The following B3GAT2 variants were observed in gnomAD, a reference collection of about 807,000 sequenced individuals.
B3GAT2 encodes the protein beta-1,3-glucuronyltransferase 2, also known as galactosylgalactosylxylosylprotein 3-beta-glucuronosyltransferase 2.
A neutral mutation model predicts 27.8 loss-of-function variants in B3GAT2; 26 were observed. The ratio of observed to expected loss-of-function variants is 0.93; its 90% CI spans 0.68 to 1.30. The LOEUF (loss-of-function observed/expected upper bound fraction) is 1.30. B3GAT2 is among the 50% of genes most tolerant of loss of function. The probability of loss-of-function intolerance (pLI) is 0.00; values close to 1 mark genes in which losing one functional copy is unlikely to be tolerated. For synonymous variants in B3GAT2, 218 were observed against 195.1 expected (o/e 1.12, Z -0.98); for missense variants, 458 against 459.0 (o/e 1.00, Z 0.02).
intron 2 of B3GAT2, among the ~76,000 whole-genome samples, chr6:70,878,540 AT>A (rs1451977066): frequency 6.6e-6 from 1 of 151,736 alleles, no homozygotes; most frequent in Non-Finnish European, 1.5e-5. Context: ...TCTCCATCAC[AT>A]TTTTACATGT....
Position 70,859,507 on chromosome 6 carries a change from T to C in B3GAT2, c.*2156A>G. The C allele has an allele frequency of 2.5e-6, 2 of 786,816 alleles. No individual in the cohort carries two copies. Among genetic ancestry groups the C allele is most frequent in the Non-Finnish European group, 4.0e-6 (2 of 498,812 alleles). The allele number at this position is 786,816 out of a possible 1,614,324, so 48.7% of individuals were successfully genotyped here. ...TCTTTGAAACTGTAAATAAGTCAAG[T>C]CAAATGTATTAAATTAAGAACACAG... On this transcript the variant is annotated 3_prime_UTR_variant, in exon 4 of 4. Coordinates refer to ENST00000230053, the MANE Select transcript of B3GAT2 (RefSeq NM_080742.3).
At position 70,856,794 on chromosome 6, in the gene B3GAT2, T is replaced by TAA; in HGVS notation, c.*4867_*4868dup. ...TAATTTTATAACTTTATTTGGATTT[T>TAA]AAGTAATGGATAAGCTGCGCTTTAC... On this transcript the variant is annotated 3_prime_UTR_variant, in exon 4 of 4. Coordinates refer to ENST00000230053, the MANE Select transcript of B3GAT2 (RefSeq NM_080742.3). 1 of 1,447,938 alleles carries TAA rather than the reference T, an allele frequency of 6.9e-7. No individual in the cohort carries two copies. The highest frequency in any genetic ancestry group is 9.2e-7 in the Non-Finnish European group (1 of 1,081,932). The allele number at this position is 1,447,938 out of a possible 1,614,324, so 89.7% of individuals were successfully genotyped here.
intron 2 of B3GAT2, among the ~76,000 whole-genome samples, chr6:70,866,190 G>A (rs565214319): frequency 6.6e-6 from 1 of 152,298 alleles, no homozygotes; most frequent in East Asian, 1.9e-4. Context: ...TCAGTAGCCA[G>A]AGTGGAGCTA....
At chr6:70,954,273 G>C (rs538734878) in intron 1 of B3GAT2, among the ~76,000 whole-genome samples, 17 of 152,272 alleles carry the variant, frequency 1.1e-4, no homozygotes, top group Non-Finnish European at 1.9e-4. Flanking sequence ...AGTTAAAAAC[G>C]TCAGATGGTA....
At chr6:70,891,529 T>G (rs76894177) in intron 2 of B3GAT2, among the ~76,000 whole-genome samples, 4,610 of 152,314 alleles carry the variant, frequency 0.03, 101 homozygotes, top group Admixed American at 0.072. Context: ...CAATGTTTGA[T>G]ACTCAAATGA....
In B3GAT2 at chr6:70,860,574, G is replaced by C. The variant is rs1339291524; in HGVS notation, c.*1089C>G. 4.5e-6 allele frequency: 2 copies of C among 439,770 alleles called. No homozygotes were observed. Among genetic ancestry groups the C allele is most frequent in the Non-Finnish European group, 7.9e-6 (2 of 254,446 alleles). 27.2% of individuals were successfully genotyped at this position (439,770 alleles called of 1,614,324 possible). ...CATATTTCCCATGATTTCATGTACT[G>C]CATTATTTGAGAAGCTGCTCAACTT... On this transcript the variant is annotated 3_prime_UTR_variant, in exon 4 of 4. Coordinates refer to ENST00000230053, the MANE Select transcript of B3GAT2 (RefSeq NM_080742.3).
At chr6:70,913,907 T>C (rs1772727498) in intron 1 of B3GAT2, among the ~76,000 whole-genome samples, 1 of 152,218 alleles carries the variant, frequency 6.6e-6, no homozygotes. Flanking sequence ...ATTTAGGATA[T>C]TTAAGTCTTC....
intron 2 of B3GAT2, among the ~76,000 whole-genome samples, chr6:70,883,903 G>T (rs1325842056): frequency 1.3e-5 from 2 of 151,854 alleles, no homozygotes; most frequent in Non-Finnish European, 2.9e-5. Context: ...TTCTATGGAA[G>T]TGACTCTATT....
At chr6:70,915,839 T>C (rs1254206097) in intron 1 of B3GAT2, among the ~76,000 whole-genome samples, 1 of 152,198 alleles carries the variant, frequency 6.6e-6, no homozygotes, top group Non-Finnish European at 1.5e-5. Context: ...GGTAGTGTGA[T>C]GCCTCCAGCT....
chr6:70,901,616 T>G (rs945385552), intron 1 of B3GAT2, among the ~76,000 whole-genome samples: 4 of 152,194 alleles, frequency 2.6e-5, no homozygotes, highest in African/African-American at 9.7e-5. Flanking sequence ...TGGCGTAGAG[T>G]GGCTGTGCCC....
chr6:70,904,247 T>A (rs890290075), intron 1 of B3GAT2, among the ~76,000 whole-genome samples: 1 of 152,054 alleles, frequency 6.6e-6, no homozygotes, highest in Non-Finnish European at 1.5e-5. Flanking sequence ...CTGCAAAAGG[T>A]CATAGGTGAC....
In B3GAT2 at chr6:70,858,276, ATTTTC is replaced by A; in HGVS notation, c.*3382_*3386del. ...GCTTCTCCCAAATCAAACCAGATTTATTTTCTAAATCTTTTTTTTTTTTTTTTTTT... is the reference window on the plus strand; with the variant it reads ...GCTTCTCCCAAATCAAACCAGATTTATAAATCTTTTTTTTTTTTTTTTTTT... On this transcript the variant is annotated 3_prime_UTR_variant, in exon 4 of 4. Transcript: ENST00000230053. The A allele has an allele frequency of 6.7e-6, 2 of 296,324 alleles. No individual in the cohort carries two copies. Among genetic ancestry groups the A allele is most frequent in the Non-Finnish European group, 1.1e-5 (2 of 177,510 alleles). The allele number at this position is 296,324 out of a possible 1,614,324, so 18.4% of individuals were successfully genotyped here.
intron 1 of B3GAT2, among the ~76,000 whole-genome samples, chr6:70,933,746 G>A (rs1377063207): frequency 2.0e-5 from 3 of 152,244 alleles, no homozygotes; most frequent in East Asian, 3.9e-4. Flanking sequence ...CCTTGGGGCC[G>A]CTATGACTGT....
intron 1 of B3GAT2, among the ~76,000 whole-genome samples, chr6:70,932,059 A>G (rs1335561946): frequency 2.6e-5 from 4 of 152,180 alleles, no homozygotes; most frequent in African/African-American, 9.7e-5. Flanking sequence ...TCAAAATCAC[A>G]AAGACATATC....
chr6:70,872,471 A>G (rs1026643052), intron 2 of B3GAT2, among the ~76,000 whole-genome samples: 2 of 117,926 alleles, frequency 1.7e-5, no homozygotes, highest in African/African-American at 6.5e-5. Flanking sequence ...CTTAAAGTCT[A>G]TTTTGTCTGG....
chr6:70,911,291 C>T (rs1308658711), intron 1 of B3GAT2, among the ~76,000 whole-genome samples: 1 of 151,868 alleles, frequency 6.6e-6, no homozygotes, highest in East Asian at 1.9e-4. Flanking sequence ...ATAGTTTTTA[C>T]AGTTAAGTCT....
chr6:70,924,746 T>TAGTTTGTAGTTTAA (rs940161692), intron 1 of B3GAT2, among the ~76,000 whole-genome samples: 27 of 152,208 alleles, frequency 1.8e-4, no homozygotes, highest in Admixed American at 5.2e-4. Flanking sequence ...GGAAGAAATT[T>TAGTTTGTAGTTTAA]AGTTTGTAGT....
At chr6:70,930,178 T>A (rs1263273764) in intron 1 of B3GAT2, among the ~76,000 whole-genome samples, 1 of 152,174 alleles carries the variant, frequency 6.6e-6, no homozygotes, top group South Asian at 2.1e-4. Flanking sequence ...TTACACCTTA[T>A]ACAAAAATTA....
chr6:70,935,683 T>A (rs1016615462), intron 1 of B3GAT2, among the ~76,000 whole-genome samples: 3 of 152,114 alleles, frequency 2.0e-5, no homozygotes, highest in Non-Finnish European at 4.4e-5. Flanking sequence ...AATAAAATAC[T>A]CTACAGACAA....
Sources: allele counts gnomAD v4.1 joint callset (sites outside exome capture counted in the v4.1 genomes callset), GRCh38; gene constraint gnomAD v4.1.1; transcripts MANE v1.5; gene names NCBI Gene and HGNC (gene_info 2026-07-23, HGNC 2026-07-21).